The following NEK11 variants were observed in gnomAD, a reference collection of about 807,000 sequenced individuals.
The protein encoded by NEK11 is NIMA related kinase 11.
A neutral mutation model predicts 80.7 loss-of-function variants in NEK11; 72 were observed. The ratio of observed to expected loss-of-function variants is 0.89; its 90% confidence interval spans 0.74 to 1.08. NEK11 has a LOEUF of 1.08. Among genes scored for constraint, NEK11 ranks in the 50% least tolerant of loss-of-function variants. NEK11 has a pLI of 0.00. For synonymous variants in NEK11, 251 were observed against 260.7 expected, an observed-to-expected ratio of 0.96 and a Z score of 0.36; for missense variants, 764 against 763.6, an observed-to-expected ratio of 1.00 and a Z score of -0.01.
intron 14 of NEK11, among the ~76,000 whole-genome samples, chr3:131,225,747 G>A (rs1190939135): frequency 6.6e-6 from 1 of 152,138 alleles, no homozygotes; most frequent in Admixed American, 6.5e-5. Flanking sequence ...ACTGCAGGTT[G>A]AGAGGTCAGT....
intron 14 of NEK11, among the ~76,000 whole-genome samples, chr3:131,209,648 G>A (rs978578370): frequency 6.6e-6 from 1 of 152,128 alleles, no homozygotes; most frequent in Non-Finnish European, 1.5e-5. Flanking sequence ...ATTAACTGTT[G>A]CCTCAATTTC....
intron 5 of NEK11, among the ~76,000 whole-genome samples, chr3:131,116,896 A>T (rs2081328477): frequency 6.6e-6 from 1 of 152,156 alleles, no homozygotes; most frequent in African/African-American, 2.4e-5. Flanking sequence ...AGATGGGTAG[A>T]TTGCAAAAAT....
chr3:131,098,527 G>T (rs1314834077), intron 4 of NEK11, among the ~76,000 whole-genome samples: 3 of 151,424 alleles, frequency 2.0e-5, no homozygotes, highest in Non-Finnish European at 4.4e-5. Context: ...ATGTTTCTTG[G>T]CCACTTGTAT....
intron 17 of NEK11, among the ~76,000 whole-genome samples, chr3:131,334,721 G>A (rs567962952): frequency 1.3e-5 from 2 of 152,034 alleles, no homozygotes; most frequent in East Asian, 3.9e-4. Flanking sequence ...TAGACCGCTA[G>A]CAAGATTAAT....
Position 131,116,222 on chromosome 3 carries a change from A to G in NEK11, c.455+6301A>G, listed in dbSNP as rs1578506242. ...TTCTCACCTATGAGTGAGAACGTGC[A>G]GTGTTTGGTTTTCTGTCCTTCTGAT... On this transcript the variant is annotated intron_variant, in intron 5 of 17. Coordinates refer to ENST00000383366, the MANE Select transcript of NEK11 (RefSeq NM_024800.5). 4.0e-5 allele frequency among the ~76,000 whole-genome samples: 6 copies of G among 151,884 alleles called. No individual in the cohort carries two copies. The South Asian group carries it at 1.3e-3, about 32-fold the overall frequency.
At chr3:131,234,653 C>T (rs371262811) in intron 15 of NEK11, among the ~76,000 whole-genome samples, 6 of 152,016 alleles carry the variant, frequency 3.9e-5, no homozygotes, top group Non-Finnish European at 5.9e-5. Flanking sequence ...CCCTCATTTC[C>T]GTCATGATTC....
intron 14 of NEK11, among the ~76,000 whole-genome samples, chr3:131,197,888 C>G (rs1298960832): frequency 6.6e-6 from 1 of 151,992 alleles, no homozygotes; most frequent in Admixed American, 6.6e-5. Flanking sequence ...TGGCGGTTCC[C>G]TTCTATTTCC....
chr3:131,280,972 T>C (rs141367201), intron 17 of NEK11, among the ~76,000 whole-genome samples: 273 of 152,314 alleles, frequency 1.8e-3, no homozygotes, highest in Non-Finnish European at 3.3e-3. Flanking sequence ...GAAGAGGCAC[T>C]ATTCATGGCC....
intron 17 of NEK11, among the ~76,000 whole-genome samples, chr3:131,280,278 T>C (rs1374151625): frequency 6.6e-6 from 1 of 152,184 alleles, no homozygotes; most frequent in African/African-American, 2.4e-5. Context: ...AAATAATCTT[T>C]GTAGGGATAC....
At chr3:131,242,061 A>G (rs1279329074) in intron 15 of NEK11, among the ~76,000 whole-genome samples, 1 of 152,100 alleles carries the variant, frequency 6.6e-6, no homozygotes, top group Non-Finnish European at 1.5e-5. Flanking sequence ...GTTATCATGT[A>G]CTTCATGGAT....
intron 4 of NEK11, among the ~76,000 whole-genome samples, chr3:131,087,521 C>T (rs995291423): frequency 5.3e-5 from 8 of 152,124 alleles, no homozygotes; most frequent in Admixed American, 1.3e-4. Context: ...GGATGACAGG[C>T]GTGAGCCACC....
intron 4 of NEK11, among the ~76,000 whole-genome samples, chr3:131,098,404 C>T (rs962227907): frequency 1.3e-5 from 2 of 152,248 alleles, no homozygotes; most frequent in South Asian, 2.1e-4. Context: ...ACAACCTACT[C>T]ATCTGTTTTT....
intron 17 of NEK11, among the ~76,000 whole-genome samples, chr3:131,306,000 T>A (rs760444172): frequency 2.0e-5 from 3 of 152,178 alleles, no homozygotes; most frequent in Admixed American, 6.5e-5. Flanking sequence ...GCCCTTGTTT[T>A]TTATCTCTAG....
Position 131,265,106 on chromosome 3 carries a change from G to A in NEK11, c.1622-8372G>A, listed in dbSNP as rs572073345. Among the ~76,000 whole-genome samples, 5 of 152,308 alleles carry A rather than the reference G, an allele frequency of 3.3e-5. No homozygotes were observed. In the East Asian group the frequency reaches 9.6e-4, roughly 29 times the overall value. On this transcript the variant is annotated intron_variant, in intron 16 of 17. Coordinates refer to ENST00000383366, the MANE Select transcript of NEK11 (RefSeq NM_024800.5). ...CTGAAGTTGCTTATCAGCTGAAGTAGTTTTTGGGCTGAGACGAGGGGGTTT... is the reference window on the plus strand; with the variant it reads ...CTGAAGTTGCTTATCAGCTGAAGTAATTTTTGGGCTGAGACGAGGGGGTTT...
At chr3:131,178,587 C>T (rs2093173811) in intron 14 of NEK11, among the ~76,000 whole-genome samples, 1 of 152,198 alleles carries the variant, frequency 6.6e-6, no homozygotes, top group South Asian at 2.1e-4. Flanking sequence ...GGGAGATCTC[C>T]ATGGACAATA....
intron 14 of NEK11, 112 bp downstream of exon 14, chr3:131,170,999 A>C: frequency 1.3e-6 from 1 of 789,340 alleles, no homozygotes. Context: ...GAGTGTGTGC[A>C]GCTATTATCA....
intron 14 of NEK11, among the ~76,000 whole-genome samples, chr3:131,211,787 C>T (rs369643980): frequency 9.9e-5 from 15 of 152,220 alleles, no homozygotes; most frequent in Admixed American, 5.2e-4. Flanking sequence ...GCATGCGTCA[C>T]GTAGTTCTTG....
chr3:131,157,180 G>A (rs956821983), intron 10 of NEK11, among the ~76,000 whole-genome samples: 8 of 152,210 alleles, frequency 5.3e-5, no homozygotes, highest in Admixed American at 2.0e-4. Flanking sequence ...TGAGGCAAGT[G>A]AGGTGGAATT....
At chr3:131,324,390 T>C (rs2096933303) in intron 17 of NEK11, among the ~76,000 whole-genome samples, 1 of 152,238 alleles carries the variant, frequency 6.6e-6, no homozygotes, top group Non-Finnish European at 1.5e-5. Context: ...TTCCCAGTCA[T>C]GGGAACTCAT....
Sources: allele counts gnomAD v4.1 joint callset (sites outside exome capture counted in the v4.1 genomes callset), GRCh38; gene constraint gnomAD v4.1.1; transcripts MANE v1.5; gene names NCBI Gene and HGNC (gene_info 2026-07-23, HGNC 2026-07-21).